The following CPEB3 variants were observed in gnomAD, a reference collection of about 807,000 sequenced individuals.
CPEB3 encodes cytoplasmic polyadenylation element-binding protein 3.
In CPEB3, 20 loss-of-function variants were observed where a neutral mutation model predicts 67.2. The observed-to-expected ratio is 0.30, with a 90% CI of 0.21 to 0.43. CPEB3 has a LOEUF of 0.43. CPEB3 is among the 20% of genes least tolerant of loss of function. The pLI is 1.00. For synonymous variants in CPEB3, 376 were observed against 393.1 expected (o/e 0.96, Z 0.51); for missense variants, 746 against 968.6 (o/e 0.77, Z 3.05).
chr10:92,184,009 C>A (rs1848577177), intron 3 of CPEB3, among the ~76,000 whole-genome samples: 1 of 152,136 alleles, frequency 6.6e-6, no homozygotes. Flanking sequence ...TTAAACATAC[C>A]TACATGGATC....
At chr10:92,123,458 A>G (rs61875202) in intron 6 of CPEB3, among the ~76,000 whole-genome samples, 21 of 152,242 alleles carry the variant, frequency 1.4e-4, no homozygotes, top group Non-Finnish European at 2.4e-4. Flanking sequence ...GCTTTCACAC[A>G]CTGCCTCACA....
At chr10:92,071,912 T>C (rs1842768375) in intron 9 of CPEB3, among the ~76,000 whole-genome samples, 1 of 152,160 alleles carries the variant, frequency 6.6e-6, no homozygotes, top group Non-Finnish European at 1.5e-5. Flanking sequence ...AGCTTTTACA[T>C]CTTAAGAGTT....
intron 4 of CPEB3, among the ~76,000 whole-genome samples, chr10:92,176,025 A>C (rs991231459): frequency 5.3e-5 from 8 of 152,166 alleles, no homozygotes; most frequent in African/African-American, 1.7e-4. Context: ...CAAGAGGCAG[A>C]GGTTGCAATG....
chr10:92,124,605 AT>A (rs921735571), intron 6 of CPEB3, among the ~76,000 whole-genome samples: 21 of 148,984 alleles, frequency 1.4e-4, no homozygotes, highest in Middle Eastern at 3.4e-3. Context: ...CCAGGACCTG[AT>A]TTTTTTTTTT....
At chr10:92,109,505 G>A (rs549114328) in intron 7 of CPEB3, among the ~76,000 whole-genome samples, 1 of 152,130 alleles carries the variant, frequency 6.6e-6, no homozygotes, top group African/African-American at 2.4e-5. Flanking sequence ...ACCCACCTTG[G>A]CCTCCCAAAG....
chr10:92,271,091 G>A (rs1348976818), intron 1 of CPEB3, among the ~76,000 whole-genome samples: 1 of 152,116 alleles, frequency 6.6e-6, no homozygotes, highest in Non-Finnish European at 1.5e-5. Flanking sequence ...GCCGAGGCAG[G>A]AGAATCGCTT....
At chr10:92,097,996 T>G (rs1211183698) in intron 7 of CPEB3, among the ~76,000 whole-genome samples, 3 of 151,348 alleles carry the variant, frequency 2.0e-5, no homozygotes, top group Non-Finnish European at 2.9e-5. Context: ...ACCCCGTATC[T>G]ACTAAAAATA....
chr10:92,180,588 T>C (rs1158421327), intron 4 of CPEB3, among the ~76,000 whole-genome samples: 2 of 152,206 alleles, frequency 1.3e-5, no homozygotes, highest in East Asian at 1.9e-4. Flanking sequence ...GTGGCTATAT[T>C]CCAATAAAAC....
chr10:92,232,411 GCA>G (rs1851313971), intron 2 of CPEB3, among the ~76,000 whole-genome samples: 1 of 151,902 alleles, frequency 6.6e-6, no homozygotes, highest in South Asian at 2.1e-4. Flanking sequence ...AATCAACTTA[GCA>G]ATGAAAACCA....
At chr10:92,248,760 G>T (rs1190072651) in intron 1 of CPEB3, among the ~76,000 whole-genome samples, 1 of 152,048 alleles carries the variant, frequency 6.6e-6, no homozygotes, top group Admixed American at 6.5e-5. Flanking sequence ...CACACACCCC[G>T]CCCTTCCACA....
intron 2 of CPEB3, among the ~76,000 whole-genome samples, chr10:92,212,308 T>C (rs1339497901): frequency 6.7e-6 from 1 of 149,790 alleles, no homozygotes; most frequent in East Asian, 2.0e-4. Flanking sequence ...AGTTGTACAG[T>C]GGTGCAACTT....
chr10:92,212,056 C>T (rs1167387080), intron 2 of CPEB3, among the ~76,000 whole-genome samples: 4 of 141,892 alleles, frequency 2.8e-5, no homozygotes, highest in African/African-American at 7.9e-5. Flanking sequence ...ATTTTTTGTA[C>T]TTTTAGTAGA....
chr10:92,061,587 G>C (rs1346913589), intron 9 of CPEB3, among the ~76,000 whole-genome samples: 2 of 152,102 alleles, frequency 1.3e-5, no homozygotes, highest in Non-Finnish European at 2.9e-5. Context: ...GACACAGAAA[G>C]ACAAACATCA....
chr10:92,139,391 C>G (rs1198321319), intron 6 of CPEB3, among the ~76,000 whole-genome samples: 1 of 151,264 alleles, frequency 6.6e-6, no homozygotes, highest in Non-Finnish European at 1.5e-5. Flanking sequence ...ATGGATGGAA[C>G]TGGAGGACAT....
Position 92,255,894 on chromosome 10 carries a change from T to G in CPEB3, c.-11-15533A>C, listed in dbSNP as rs148086891. Among the ~76,000 whole-genome samples the G allele has an allele frequency of 1.8e-3, 275 of 152,330 alleles. 1 individual carries two copies. The highest frequency in any genetic ancestry group is 6.4e-3 in the African/African-American group (267 of 41,574). On this transcript the variant is annotated intron_variant, in intron 1 of 9. Transcript: ENST00000265997. ...TCCTAATTCTGCATACTCTCCCTAA[T>G]CAATGTTATATTCATAAAGTTCACC...
intron 1 of CPEB3, among the ~76,000 whole-genome samples, chr10:92,244,324 G>A (rs1189931292): frequency 2.0e-5 from 3 of 151,564 alleles, no homozygotes; most frequent in Non-Finnish European, 1.5e-5. Context: ...TCCAGCCTGG[G>A]TGACAGAGTA....
chr10:92,291,079 A>C, upstream of CPEB3: 2 of 252,446 alleles, frequency 7.9e-6, no homozygotes, highest in South Asian at 4.5e-5. Flanking sequence ...TGCAGCCTCT[A>C]GTGGAGACGG....
intron 1 of CPEB3, among the ~76,000 whole-genome samples, chr10:92,258,389 C>T (rs1461511110): frequency 4.0e-5 from 6 of 151,760 alleles, no homozygotes; most frequent in Admixed American, 2.6e-4. Context: ...CGTGAGCCAC[C>T]GTGCCTGGCC....
At chr10:92,054,326 A>G (rs1842032489) in intron 9 of CPEB3, among the ~76,000 whole-genome samples, 3 of 152,146 alleles carry the variant, frequency 2.0e-5, no homozygotes, top group Admixed American at 1.3e-4. Flanking sequence ...ACTCGTAGTC[A>G]GGAGAAAAAC....
Sources: allele counts gnomAD v4.1 joint callset (sites outside exome capture counted in the v4.1 genomes callset), GRCh38; gene constraint gnomAD v4.1.1; transcripts MANE v1.5; gene names NCBI Gene and HGNC (gene_info 2026-07-23, HGNC 2026-07-21).